The following PLXNC1 variants were observed in gnomAD, a reference collection of about 807,000 sequenced individuals.
PLXNC1 encodes the protein plexin C1, also known as plexin-C1.
A neutral mutation model predicts 178.2 loss-of-function variants in PLXNC1; 75 were observed. The observed-to-expected ratio is 0.42, with a 90% CI of 0.35 to 0.51. The LOEUF is 0.51. Among genes scored for constraint, PLXNC1 ranks in the 20% least tolerant of loss-of-function variants. PLXNC1 has a pLI of 0.02. For missense variants in PLXNC1, 1,503 were observed against 1,984.4 expected, an observed-to-expected ratio of 0.76 and a Z score of 4.61; for synonymous variants, 790 against 779.9, an observed-to-expected ratio of 1.01 and a Z score of -0.22.
chr12:94,275,274 A>G (rs1295113998), intron 21 of PLXNC1, among the ~76,000 whole-genome samples: 1 of 152,230 alleles, frequency 6.6e-6, no homozygotes, highest in African/African-American at 2.4e-5. Context: ...CTATGTCATA[A>G]CATCTCTCTG....
chr12:94,251,859 G>A (rs1215284704), intron 15 of PLXNC1, among the ~76,000 whole-genome samples: 3 of 152,166 alleles, frequency 2.0e-5, no homozygotes, highest in Admixed American at 6.5e-5. Flanking sequence ...GGGCGTGATG[G>A]CAGGTGCCTG....
intron 5 of PLXNC1, among the ~76,000 whole-genome samples, chr12:94,210,937 A>G (rs1296502134): frequency 6.6e-6 from 1 of 152,242 alleles, no homozygotes; most frequent in Non-Finnish European, 1.5e-5. Flanking sequence ...TAGAAAGTAG[A>G]ATACCATAAT....
Position 94,240,480 on chromosome 12 carries a change from T to C in PLXNC1, c.2121-5T>C, listed in dbSNP as rs1422438034. On this transcript the variant is annotated splice_region_variant and splice_polypyrimidine_tract_variant and intron_variant, in intron 10 of 30. Transcript: ENST00000258526. ...TGTGAGAGTTCTTTTTCTACTCTTT[T>C]CTAGGATACAGGTTAGCCATGTGCT... 2 of 1,610,576 alleles carry C rather than the reference T, an allele frequency of 1.2e-6. No homozygotes were observed. The highest frequency in any genetic ancestry group is 1.7e-6 in the Non-Finnish European group (2 of 1,177,818).
intron 23 of PLXNC1, among the ~76,000 whole-genome samples, chr12:94,288,785 G>A (rs1463937868): frequency 6.6e-6 from 1 of 152,220 alleles, no homozygotes; most frequent in African/African-American, 2.4e-5. Flanking sequence ...AGCAATATTG[G>A]CACGTGGCTG....
At chr12:94,164,576 A>G (rs1240492328) in intron 1 of PLXNC1, among the ~76,000 whole-genome samples, 1 of 152,032 alleles carries the variant, frequency 6.6e-6, no homozygotes, top group Non-Finnish European at 1.5e-5. Context: ...GCACAATGGG[A>G]GAGTATTTAT....
chr12:94,261,264 G>T (rs996902484), intron 20 of PLXNC1, among the ~76,000 whole-genome samples: 1 of 152,178 alleles, frequency 6.6e-6, no homozygotes, highest in Non-Finnish European at 1.5e-5. Context: ...CAGTCATTCC[G>T]CATTAAAGCA....
intron 14 of PLXNC1, 70 bp from the exon 15 acceptor site, chr12:94,251,355 AG>A (rs1216954688): frequency 2.2e-6 from 2 of 890,406 alleles, no homozygotes; most frequent in Non-Finnish European, 1.9e-6. Context: ...AAGCCATTTT[AG>A]GGGGGAAATT....
At chr12:94,198,954 C>T (rs940280778) in intron 4 of PLXNC1, among the ~76,000 whole-genome samples, 1 of 152,186 alleles carries the variant, frequency 6.6e-6, no homozygotes, top group African/African-American at 2.4e-5. Flanking sequence ...GGGGAACACT[C>T]TTTAACGCAC....
intron 1 of PLXNC1, among the ~76,000 whole-genome samples, chr12:94,150,519 A>T (rs1357043366): frequency 6.6e-6 from 1 of 152,196 alleles, no homozygotes; most frequent in African/African-American, 2.4e-5. Context: ...GCCACACCCC[A>T]GCCTTTGTGG....
intron 4 of PLXNC1, among the ~76,000 whole-genome samples, chr12:94,197,939 C>G (rs1962977033): frequency 6.6e-6 from 1 of 152,114 alleles, no homozygotes; most frequent in South Asian, 2.1e-4. Context: ...AGAGAAAACC[C>G]TCCATCTTGA....
At chr12:94,237,932 A>G (rs1964286035) in intron 10 of PLXNC1, 129 bp downstream of exon 10, 1 of 791,898 alleles carries the variant, frequency 1.3e-6, no homozygotes, top group Admixed American at 2.9e-5. Context: ...CCAATTAGTC[A>G]GAGTATTTGA....
At chr12:94,204,886 A>G (rs1167322253) in intron 4 of PLXNC1, among the ~76,000 whole-genome samples, 2 of 152,178 alleles carry the variant, frequency 1.3e-5, no homozygotes, top group Non-Finnish European at 2.9e-5. Flanking sequence ...TTCTGATATT[A>G]TATCAGTGTA....
chr12:94,171,416 A>G (rs1961839704), intron 2 of PLXNC1, among the ~76,000 whole-genome samples: 1 of 152,162 alleles, frequency 6.6e-6, no homozygotes, highest in African/African-American at 2.4e-5. Context: ...AAGGGACTCT[A>G]TATCTTCTAC....
At chr12:94,171,279 G>A (rs1961834073) in intron 2 of PLXNC1, among the ~76,000 whole-genome samples, 1 of 152,192 alleles carries the variant, frequency 6.6e-6, no homozygotes, top group Non-Finnish European at 1.5e-5. Flanking sequence ...CTCAGGATCT[G>A]TATGGGGTAC....
At chr12:94,294,564 C>G in intron 24 of PLXNC1, 24 bp downstream of exon 24, 1 of 1,027,582 alleles carries the variant, frequency 9.7e-7, no homozygotes, top group Non-Finnish European at 1.5e-6. Context: ...TATTGTTAAC[C>G]TTTTGTTCTC....
chr12:94,189,454 G>A (rs1055805909), intron 4 of PLXNC1, among the ~76,000 whole-genome samples: 3 of 152,148 alleles, frequency 2.0e-5, no homozygotes, highest in African/African-American at 7.2e-5. Flanking sequence ...CAAAGTGGGT[G>A]GATCACTTGA....
intron 1 of PLXNC1, among the ~76,000 whole-genome samples, chr12:94,166,294 G>A (rs1961607346): frequency 6.7e-6 from 1 of 149,222 alleles, no homozygotes; most frequent in South Asian, 2.1e-4. Flanking sequence ...CTCATAAAAA[G>A]TCTGTGGCAT....
intron 4 of PLXNC1, among the ~76,000 whole-genome samples, chr12:94,195,738 G>A (rs1055142938): frequency 6.6e-6 from 1 of 152,276 alleles, no homozygotes; most frequent in South Asian, 2.1e-4. Flanking sequence ...GCTGTTCCAC[G>A]CATGAGATCG....
intron 22 of PLXNC1, chr12:94,279,877 G>T: frequency 1.5e-6 from 1 of 678,880 alleles, no homozygotes; most frequent in Non-Finnish European, 2.7e-6. Context: ...GGCGTTTGTT[G>T]TTGTTGTCTT....
Sources: allele counts gnomAD v4.1 joint callset (sites outside exome capture counted in the v4.1 genomes callset), GRCh38; gene constraint gnomAD v4.1.1; transcripts MANE v1.5; gene names NCBI Gene and HGNC (gene_info 2026-07-23, HGNC 2026-07-21).